The following LGR5 variants were observed in gnomAD, a reference collection of about 807,000 sequenced individuals.
LGR5 encodes the protein leucine rich repeat containing G protein-coupled receptor 5.
In LGR5, 54 loss-of-function variants were observed where a neutral mutation model predicts 76.7. That is an observed-to-expected ratio of 0.70 (90% CI 0.57 to 0.88). LGR5 has a LOEUF of 0.88. Among genes scored for constraint, LGR5 ranks in the 40% least tolerant of loss-of-function variants. The pLI is 0.00. For missense variants in LGR5, 1,078 were observed against 1,073.3 expected, an observed-to-expected ratio of 1.00 and a Z score of -0.06; for synonymous variants, 406 against 421.9, an observed-to-expected ratio of 0.96 and a Z score of 0.46.
chr12:71,505,421 G>A (rs1350770502), intron 2 of LGR5, among the ~76,000 whole-genome samples: 1 of 152,152 alleles, frequency 6.6e-6, no homozygotes, highest in Non-Finnish European at 1.5e-5. Flanking sequence ...GGGATAAGGA[G>A]GTGATACCCC....
chr12:71,502,849 T>A (rs1358818376), intron 1 of LGR5, among the ~76,000 whole-genome samples: 1 of 152,212 alleles, frequency 6.6e-6, no homozygotes, highest in Non-Finnish European at 1.5e-5. Context: ...ATGAATCACC[T>A]TAATATGTAA....
intron 2 of LGR5, among the ~76,000 whole-genome samples, chr12:71,519,220 T>C (rs1565714493): frequency 1.3e-5 from 2 of 152,184 alleles, no homozygotes; most frequent in Non-Finnish European, 2.9e-5. Context: ...TGTCCTACTG[T>C]TGTCTTTATA....
rs1871706427 is a variant in LGR5, at chr12:71,440,357, G to A, written c.212+65G>A. On this transcript the variant is annotated intron_variant, in intron 1 of 17. Transcript: ENST00000266674. The surrounding 1 kb of genome is among the most constrained non-coding windows in gnomAD (Gnocchi z 5.3). ...AGGGGAAGGAAGGTTCGTCCAAGGC[G>A]AGGCTGGAGGCTCCTCGGCGCCCGC... The A allele has an allele frequency of 6.7e-7, 1 of 1,496,650 alleles. No homozygotes were observed. The highest frequency in any genetic ancestry group is 1.8e-5 in the Admixed American group (1 of 56,770). The allele number at this position is 1,496,650 out of a possible 1,614,324, so 92.7% of individuals were successfully genotyped here. A position where few individuals can be genotyped will look rare whatever the true frequency, so the allele number is the denominator to read the frequency against.
At chr12:71,471,781 C>T (rs1873115168) in intron 1 of LGR5, among the ~76,000 whole-genome samples, 2 of 151,816 alleles carry the variant, frequency 1.3e-5, no homozygotes, top group Admixed American at 1.3e-4. Flanking sequence ...AATAACAGCC[C>T]CCACCACAAA....
chr12:71,508,200 T>A (rs995779802), intron 2 of LGR5, among the ~76,000 whole-genome samples: 2 of 151,900 alleles, frequency 1.3e-5, no homozygotes, highest in African/African-American at 4.8e-5. Context: ...TGCACTCCAG[T>A]CTGGTGACAG....
chr12:71,528,857 G>C (rs970147254), intron 3 of LGR5, among the ~76,000 whole-genome samples: 1 of 152,144 alleles, frequency 6.6e-6, no homozygotes, highest in Non-Finnish European at 1.5e-5. Flanking sequence ...TCAATTCTCT[G>C]TTGCCTATGG....
In LGR5 at chr12:71,515,632, G is replaced by A. The variant is rs935828375; in HGVS notation, c.285-8774G>A. 1.6e-4 allele frequency among the ~76,000 whole-genome samples: 25 copies of A among 152,248 alleles called. No individual in the cohort carries two copies. In the East Asian group the frequency reaches 4.6e-3, roughly 28 times the overall value. On this transcript the variant is annotated intron_variant, in intron 2 of 17. Coordinates refer to ENST00000266674, the MANE Select transcript of LGR5 (RefSeq NM_003667.4). Reference sequence around the variant, plus strand: ...CATCCAGATTTTTAGAATGGAAAAAGAGGGAAAACTATTACCATTAAGCCT... The same window carrying A: ...CATCCAGATTTTTAGAATGGAAAAAAAGGGAAAACTATTACCATTAAGCCT...
intron 2 of LGR5, among the ~76,000 whole-genome samples, chr12:71,507,801 G>A (rs1055233121): frequency 6.6e-6 from 1 of 151,918 alleles, no homozygotes; most frequent in Non-Finnish European, 1.5e-5. Context: ...CTATGAAAGT[G>A]TTAAGTCTTT....
chr12:71,493,582 G>T (rs971759890), intron 1 of LGR5, among the ~76,000 whole-genome samples: 1 of 151,044 alleles, frequency 6.6e-6, no homozygotes, highest in Admixed American at 6.6e-5. Flanking sequence ...ATGTAATTGA[G>T]CAAAAGGATT....
At chr12:71,574,086 G>A (rs911740833) in intron 13 of LGR5, among the ~76,000 whole-genome samples, 2 of 151,648 alleles carry the variant, frequency 1.3e-5, no homozygotes, top group African/African-American at 4.8e-5. Context: ...GGCGGATCAC[G>A]AGGTCAGGAG....
chr12:71,530,110 G>A (rs1362271723), intron 3 of LGR5, among the ~76,000 whole-genome samples: 1 of 151,918 alleles, frequency 6.6e-6, no homozygotes, highest in African/African-American at 2.4e-5. Context: ...TACATTTAGG[G>A]CACAACAATA....
intron 5 of LGR5, 113 bp downstream of exon 5, chr12:71,553,401 A>C: frequency 2.5e-6 from 2 of 812,952 alleles, no homozygotes; most frequent in Non-Finnish European, 4.1e-6. Context: ...AGGGAGGAAA[A>C]CCTCCTGAGC....
At chr12:71,483,618 G>T (rs117779154) in intron 1 of LGR5, among the ~76,000 whole-genome samples, 1,985 of 152,250 alleles carry the variant, frequency 0.013, 25 homozygotes, top group Non-Finnish European at 0.021. Flanking sequence ...ACAAGCCTTG[G>T]AGTCACACAA....
At chr12:71,564,997 G>T (rs944531849) in intron 8 of LGR5, among the ~76,000 whole-genome samples, 1 of 131,956 alleles carries the variant, frequency 7.6e-6, no homozygotes, top group African/African-American at 2.7e-5. Context: ...ATATATATAC[G>T]TACATGTATG....
At chr12:71,486,173 T>C (rs944846515) in intron 1 of LGR5, among the ~76,000 whole-genome samples, 2 of 152,180 alleles carry the variant, frequency 1.3e-5, no homozygotes, top group Non-Finnish European at 2.9e-5. Flanking sequence ...GCTCATCCTC[T>C]CAACAAGCTG....
In LGR5 at chr12:71,586,119, G is replaced by A. The variant is rs1433453157; in HGVS notation, c.*1385G>A. ...TATAGTAAAGGTTCAGTAACATTAA[G>A]GACCATGATAATGATAATAAACCTT... On this transcript the variant is annotated 3_prime_UTR_variant, in exon 18 of 18. Coordinates refer to ENST00000266674, the MANE Select transcript of LGR5 (RefSeq NM_003667.4). 1 of 152,066 alleles carries A rather than the reference G, an allele frequency of 6.6e-6. No homozygotes were observed. Among genetic ancestry groups the A allele is most frequent in the Non-Finnish European group, 1.5e-5 (1 of 68,016 alleles). The allele number at this position is 152,066 out of a possible 1,614,324, so 9.4% of individuals were successfully genotyped here.
At chr12:71,472,267 C>T (rs946481270) in intron 1 of LGR5, among the ~76,000 whole-genome samples, 3 of 152,186 alleles carry the variant, frequency 2.0e-5, no homozygotes, top group Non-Finnish European at 4.4e-5. Context: ...TGACAAAATG[C>T]ATGCATATAC....
chr12:71,577,877 A>T, intron 13 of LGR5, 48 bp from the exon 14 acceptor site: 13 of 1,236,358 alleles, frequency 1.1e-5, no homozygotes, highest in Non-Finnish European at 1.5e-5. Flanking sequence ...AAAACTTCAC[A>T]TGTTCTTTAT....
rs1268907887 is a variant in LGR5, at chr12:71,582,680, C to T, written c.1636+141C>T. On this transcript the variant is annotated intron_variant, in intron 17 of 17. Coordinates refer to ENST00000266674, the MANE Select transcript of LGR5 (RefSeq NM_003667.4). ...AGTAACCCTCCCCATAGTGGCCTGT[C>T]AAATACAAATGTTCATTCCCTGGAG... is the stretch of plus-strand genomic sequence containing the variant. The T allele has an allele frequency of 4.9e-6, 3 of 607,138 alleles. No homozygotes were observed. The East Asian group carries it at 8.4e-5, about 17-fold the overall frequency. 37.6% of individuals were successfully genotyped at this position (607,138 alleles called of 1,614,324 possible). A position where few individuals can be genotyped will look rare whatever the true frequency, so the allele number is the denominator to read the frequency against.
Sources: allele counts gnomAD v4.1 joint callset (sites outside exome capture counted in the v4.1 genomes callset), GRCh38; gene constraint gnomAD v4.1.1; non-coding constraint Gnocchi (gnomAD v3.1); transcripts MANE v1.5; gene names NCBI Gene and HGNC (gene_info 2026-07-23, HGNC 2026-07-21).